CDH13: variants seen among roughly 807,000 people sequenced by gnomAD.
CDH13 encodes the protein cadherin 13, also known as cadherin-13.
Under a neutral mutation model 63.8 loss-of-function variants are expected in CDH13, and 24 were observed. That is an observed-to-expected ratio of 0.38 (90% confidence interval 0.27 to 0.53). The LOEUF (loss-of-function observed/expected upper bound fraction) is 0.53. Among genes scored for constraint, CDH13 ranks in the 20% least tolerant of loss-of-function variants. The probability of loss-of-function intolerance (pLI) is 0.85; values close to 1 mark genes in which losing one functional copy is unlikely to be tolerated. For missense variants in CDH13, 1,049 were observed against 903.1 expected, an observed-to-expected ratio of 1.16 and a Z score of -2.07; for synonymous variants, 503 against 355.3, an observed-to-expected ratio of 1.42 and a Z score of -4.67.
intron 5 of CDH13, among the ~76,000 whole-genome samples, chr16:83,230,241 T>C (rs922188124): frequency 2.0e-5 from 3 of 152,186 alleles, no homozygotes; most frequent in Non-Finnish European, 2.9e-5. Flanking sequence ...GTGTTTCTTA[T>C]CTCCTGTGAT....
chr16:83,410,952 C>T (rs776197585), intron 6 of CDH13, among the ~76,000 whole-genome samples: 2 of 152,182 alleles, frequency 1.3e-5, no homozygotes, highest in Non-Finnish European at 2.9e-5. Context: ...GTCAGTGCTT[C>T]CAGTCTTTGC....
chr16:83,260,133 C>G (rs1906802503), intron 5 of CDH13, among the ~76,000 whole-genome samples: 1 of 150,484 alleles, frequency 6.6e-6, no homozygotes, highest in Non-Finnish European at 1.5e-5. Context: ...CACACACACA[C>G]ACACACACAC....
chr16:82,802,490 G>A (rs1408470837), intron 1 of CDH13, among the ~76,000 whole-genome samples: 2 of 152,090 alleles, frequency 1.3e-5, no homozygotes, highest in East Asian at 3.9e-4. Flanking sequence ...TTTCTCTGGT[G>A]GTGCTCTATC....
intron 5 of CDH13, among the ~76,000 whole-genome samples, chr16:83,258,602 T>G (rs1906573564): frequency 6.6e-6 from 1 of 152,160 alleles, no homozygotes; most frequent in Non-Finnish European, 1.5e-5. Flanking sequence ...ATTGGCACTT[T>G]TCAGAGGTGG....
chr16:82,767,644 G>T (rs1006353073), intron 1 of CDH13, among the ~76,000 whole-genome samples: 9 of 152,048 alleles, frequency 5.9e-5, no homozygotes, highest in African/African-American at 2.2e-4. Flanking sequence ...TCACTCCCTG[G>T]ACTCTGGCTG....
At chr16:82,869,690 A>T (rs2040277275) in intron 2 of CDH13, among the ~76,000 whole-genome samples, 1 of 152,114 alleles carries the variant, frequency 6.6e-6, no homozygotes, top group Non-Finnish European at 1.5e-5. Context: ...TTTACAGTGA[A>T]CTCATTTTTG....
chr16:83,304,356 T>C (rs1227371812), intron 5 of CDH13, among the ~76,000 whole-genome samples: 1 of 152,138 alleles, frequency 6.6e-6, no homozygotes, highest in African/African-American at 2.4e-5. Context: ...GTTGGTAATT[T>C]TAGAAGGAGT....
rs145497561 is a variant in CDH13, at chr16:82,748,831, C to A, written c.46-109531C>A. On this transcript the variant is annotated intron_variant, in intron 1 of 13. Coordinates refer to ENST00000567109, the MANE Select transcript of CDH13 (RefSeq NM_001257.5). ...TCTGTTTCCCAGCATCTTTTCCCTC[C>A]TGCCACTGCCTATTTTAAGCAATTT... Among the ~76,000 whole-genome samples, 277 of 152,264 alleles carry A rather than the reference C, an allele frequency of 1.8e-3. 5 individuals are homozygous for A. In the East Asian group the frequency reaches 0.033, roughly 18 times the overall value.
intron 7 of CDH13, among the ~76,000 whole-genome samples, chr16:83,500,285 C>CTT (rs1371061466): frequency 8.0e-4 from 2 of 2,488 alleles, no homozygotes; most frequent in African/African-American, 8.8e-4. Flanking sequence ...TCTTCTTCTT[C>CTT]TTCTTCTTCT....
chr16:82,747,919 C>G (rs1307622411), intron 1 of CDH13, among the ~76,000 whole-genome samples: 1 of 152,156 alleles, frequency 6.6e-6, no homozygotes, highest in Non-Finnish European at 1.5e-5. Flanking sequence ...TCCAGGCAAC[C>G]TTCTTTTTTA....
intron 3 of CDH13, among the ~76,000 whole-genome samples, chr16:83,064,013 T>C (rs572210902): frequency 6.6e-6 from 1 of 152,246 alleles, no homozygotes; most frequent in Non-Finnish European, 1.5e-5. Context: ...CCAGAAAAAG[T>C]CAGATGAGTG....
chr16:82,665,066 T>A (rs1380906539), intron 1 of CDH13, among the ~76,000 whole-genome samples: 1 of 152,196 alleles, frequency 6.6e-6, no homozygotes, highest in Non-Finnish European at 1.5e-5. Flanking sequence ...CAAATTTGAA[T>A]CATATGATGT....
intron 6 of CDH13, among the ~76,000 whole-genome samples, chr16:83,416,694 C>T (rs2071559557): frequency 2.0e-5 from 3 of 152,144 alleles, no homozygotes; most frequent in Non-Finnish European, 4.4e-5. Flanking sequence ...CCTTCAGGCA[C>T]TATTCATAGG....
At chr16:82,917,914 C>CA (rs34766700) in intron 2 of CDH13, among the ~76,000 whole-genome samples, 2,925 of 45,726 alleles carry the variant, frequency 0.064, 115 homozygotes, top group African/African-American at 0.12. Context: ...GACTCCATGT[C>CA]AAAAAAAAAA....
At position 83,054,558 on chromosome 16, in the gene CDH13, C is replaced by T. The variant is rs1463981277; in HGVS notation, c.366+22340C>T. On this transcript the variant is annotated intron_variant, in intron 3 of 13. Coordinates refer to ENST00000567109, the MANE Select transcript of CDH13 (RefSeq NM_001257.5). ...TATTTAGTCACACTACTCAGAATGG[C>T]TCAGAATTTAAAACTTACAAATTAT... Among the ~76,000 whole-genome samples the T allele has an allele frequency of 4.6e-5, 7 of 151,702 alleles. No homozygotes were observed. In the South Asian group the frequency reaches 6.3e-4, roughly 14 times the overall value.
intron 6 of CDH13, among the ~76,000 whole-genome samples, chr16:83,356,210 TCATGTGTGTGTGTGTGTG>T: frequency 8.0e-6 from 1 of 125,736 alleles, no homozygotes; most frequent in Admixed American, 8.5e-5. Flanking sequence ...TTATTTATTT[TCATGTGTGTGTGTGTGTG>T]TGTGTGTGTG....
chr16:83,186,701 T>C (rs2038537017), intron 4 of CDH13, among the ~76,000 whole-genome samples: 1 of 152,190 alleles, frequency 6.6e-6, no homozygotes, highest in African/African-American at 2.4e-5. Flanking sequence ...TCAGGGCTAA[T>C]GTTGAATTCT....
chr16:83,330,636 A>G (rs2090460116), intron 5 of CDH13, among the ~76,000 whole-genome samples: 1 of 152,172 alleles, frequency 6.6e-6, no homozygotes, highest in Non-Finnish European at 1.5e-5. Context: ...AGCCAGAAAA[A>G]CAGAGGCCAA....
At chr16:83,678,667 C>A (rs1297613128) in intron 10 of CDH13, among the ~76,000 whole-genome samples, 1 of 152,192 alleles carries the variant, frequency 6.6e-6, no homozygotes, top group Non-Finnish European at 1.5e-5. Context: ...CTGCTCCCAC[C>A]TGATTCCAGC....
Sources: allele counts gnomAD v4.1 joint callset (sites outside exome capture counted in the v4.1 genomes callset), GRCh38; gene constraint gnomAD v4.1.1; transcripts MANE v1.5; gene names NCBI Gene and HGNC (gene_info 2026-07-23, HGNC 2026-07-21).